PDE11A: variants seen among roughly 807,000 people sequenced by gnomAD.
PDE11A encodes the protein dual 3',5'-cyclic-AMP and -GMP phosphodiesterase 11A.
A neutral mutation model predicts 100.5 loss-of-function variants in PDE11A; 100 were observed. The observed-to-expected ratio is 1.00, with a 90% confidence interval of 0.85 to 1.18. The LOEUF (loss-of-function observed/expected upper bound fraction) is 1.18, where lower values mean the gene tolerates loss of function less well. PDE11A is among the 50% of genes most tolerant of loss of function. The pLI is 0.00. For missense variants in PDE11A, 1,141 were observed against 1,152.6 expected, an observed-to-expected ratio of 0.99 and a Z score of 0.15; for synonymous variants, 381 against 420.8, an observed-to-expected ratio of 0.91 and a Z score of 1.16.
At position 177,817,862 on chromosome 2, in the gene PDE11A, A is replaced by C. The variant is rs1408161032; in HGVS notation, c.1640T>G (p.Phe547Cys). 1 of 1,475,008 alleles carries C rather than the reference A, an allele frequency of 6.8e-7. No individual in the cohort carries two copies. The highest frequency in any genetic ancestry group is 1.4e-5 in the African/African-American group (1 of 70,408). 91.4% of individuals were successfully genotyped at this position (1,475,008 alleles called of 1,614,324 possible). Residue 547 changes from phenylalanine (F) to cysteine (C), a missense_variant, in exon 8 of 20, where the codon TTT becomes TGT. Coordinates refer to ENST00000286063, the MANE Select transcript of PDE11A (RefSeq NM_016953.4). ...TTTATAAATTTATTTTCTTACCTCA[A>C]AAAGTCGTTGATCTGCATCATCAAA... is the stretch of plus-strand genomic sequence containing the variant. ...KPFDDADQRL[F>C]EAFVIFCGLG...
At position 177,993,501 on chromosome 2, in the gene PDE11A, A is replaced by G. The variant is rs375627039; in HGVS notation, c.1071+20801T>C. On this transcript the variant is annotated intron_variant, in intron 2 of 19. Transcript: ENST00000286063. The stretch of plus-strand genomic sequence containing the variant: ...AAATTTTTCTGTAAGGATTGATAAA[A>G]TAAGGCTTGTGCAGCCTTTATGTCT... Among the ~76,000 whole-genome samples the G allele has an allele frequency of 6.6e-5, 10 of 152,338 alleles. No individual in the cohort carries two copies. In the East Asian group the frequency reaches 1.2e-3, roughly 18 times the overall value.
intron 1 of PDE11A, among the ~76,000 whole-genome samples, chr2:178,034,382 T>A (rs1441153593): frequency 6.6e-6 from 1 of 152,190 alleles, no homozygotes; most frequent in Non-Finnish European, 1.5e-5. Flanking sequence ...AAAGAAGTTC[T>A]TAGAGACTTA....
At chr2:177,957,790 G>A (rs1011061268) in intron 2 of PDE11A, among the ~76,000 whole-genome samples, 3 of 151,486 alleles carry the variant, frequency 2.0e-5, no homozygotes, top group East Asian at 1.9e-4. Context: ...ACATGTTATT[G>A]TTTTAAAATC....
intron 2 of PDE11A, among the ~76,000 whole-genome samples, chr2:177,911,765 T>G (rs559364990): frequency 6.6e-6 from 1 of 151,930 alleles, no homozygotes; most frequent in East Asian, 1.9e-4. Flanking sequence ...GCACCTGTAG[T>G]CCCAGCTACT....
chr2:178,003,500 G>A (rs2086168911), intron 2 of PDE11A, among the ~76,000 whole-genome samples: 1 of 151,988 alleles, frequency 6.6e-6, no homozygotes, highest in South Asian at 2.1e-4. Context: ...TCCAAAACTG[G>A]CAAACCCACA....
chr2:177,785,167 C>T (rs1044718718), intron 9 of PDE11A, among the ~76,000 whole-genome samples: 7 of 152,114 alleles, frequency 4.6e-5, no homozygotes, highest in Middle Eastern at 3.2e-3. Context: ...GTCTCAGTTT[C>T]CTCATCAGTA....
At chr2:177,795,119 A>T (rs957185573) in intron 9 of PDE11A, among the ~76,000 whole-genome samples, 1 of 152,152 alleles carries the variant, frequency 6.6e-6, no homozygotes, top group Non-Finnish European at 1.5e-5. Context: ...TCTAACCTTT[A>T]TTCTTATTTC....
chr2:178,036,976 A>T (rs899754501), intron 1 of PDE11A, among the ~76,000 whole-genome samples: 1 of 152,170 alleles, frequency 6.6e-6, no homozygotes, highest in African/African-American at 2.4e-5. Flanking sequence ...AGACTTCATG[A>T]CTAAAACACC....
chr2:177,776,075 TA>T (rs2082373425), intron 9 of PDE11A, among the ~76,000 whole-genome samples: 1 of 152,224 alleles, frequency 6.6e-6, no homozygotes, highest in African/African-American at 2.4e-5. Flanking sequence ...TCACTGTTTG[TA>T]TTATTAATGG....
At chr2:178,087,573 CT>C (rs757872410) in intron 2 of PDE11A, among the ~76,000 whole-genome samples, 5 of 152,060 alleles carry the variant, frequency 3.3e-5, no homozygotes, top group Non-Finnish European at 5.9e-5. Context: ...ACAAAGGAGA[CT>C]TGGAAGGGAG....
At chr2:177,680,742 C>T in intron 16 of PDE11A, 84 bp downstream of exon 16, 1 of 740,462 alleles carries the variant, frequency 1.4e-6, no homozygotes, top group South Asian at 1.6e-5. Context: ...AAAATCACTT[C>T]TATGCTCTTA....
chr2:178,013,302 T>C (rs1274871786), intron 2 of PDE11A, among the ~76,000 whole-genome samples: 1 of 152,190 alleles, frequency 6.6e-6, no homozygotes, highest in Non-Finnish European at 1.5e-5. Flanking sequence ...AGCATTTTAC[T>C]TCATTGTAAG....
rs115159235 is a variant in PDE11A at position 177,848,930 on chromosome 2, C to T, written c.1368-8547G>A. On this transcript the variant is annotated intron_variant, in intron 5 of 19. Transcript: ENST00000286063. The stretch of plus-strand genomic sequence containing the variant: ...TTACTTTTCCAAAAAAAAGAGTCTC[C>T]ACATTAGAAGACAAAACATCTTAAT... Among the ~76,000 whole-genome samples, 1,099 of 152,240 alleles carry T rather than the reference C, an allele frequency of 7.2e-3. 13 individuals carry two copies. The highest frequency in any genetic ancestry group is 0.025 in the African/African-American group (1,023 of 41,544).
At chr2:177,983,460 T>A (rs1200035673) in intron 2 of PDE11A, among the ~76,000 whole-genome samples, 1 of 152,178 alleles carries the variant, frequency 6.6e-6, no homozygotes, top group Non-Finnish European at 1.5e-5. Flanking sequence ...CCAGTCCAAG[T>A]AGCTTTGAGA....
At chr2:177,997,988 A>C in intron 2 of PDE11A, 1 of 1,207,328 alleles carries the variant, frequency 8.3e-7, no homozygotes, top group Non-Finnish European at 1.2e-6. Context: ...TGCTCACAGA[A>C]ATATGTCACA....
At chr2:178,046,883 T>A (rs575707249) in intron 1 of PDE11A, among the ~76,000 whole-genome samples, 20 of 152,344 alleles carry the variant, frequency 1.3e-4, no homozygotes, top group African/African-American at 4.6e-4. Context: ...GCCAGGAATC[T>A]TGAGGTGCAT....
chr2:177,861,855 G>A (rs929630418), intron 5 of PDE11A, among the ~76,000 whole-genome samples: 3 of 151,844 alleles, frequency 2.0e-5, no homozygotes, highest in Non-Finnish European at 2.9e-5. Flanking sequence ...TGGAATACTG[G>A]ATGTCCCTGT....
At chr2:177,732,698 C>T (rs1180058421) in intron 10 of PDE11A, among the ~76,000 whole-genome samples, 2 of 152,136 alleles carry the variant, frequency 1.3e-5, no homozygotes, top group Non-Finnish European at 2.9e-5. Flanking sequence ...AAGAACATTA[C>T]GTTGAAAATG....
At chr2:177,869,870 C>A (rs1443055619) in intron 5 of PDE11A, among the ~76,000 whole-genome samples, 2 of 152,306 alleles carry the variant, frequency 1.3e-5, no homozygotes, top group African/African-American at 4.8e-5. Context: ...TGTCAAAGGA[C>A]ACAGGTTTTC....
Sources: allele counts gnomAD v4.1 joint callset (sites outside exome capture counted in the v4.1 genomes callset), GRCh38; gene constraint gnomAD v4.1.1; transcripts MANE v1.5; gene names NCBI Gene and HGNC (gene_info 2026-07-23, HGNC 2026-07-21).